ACO2: variants seen among roughly 807,000 people sequenced by gnomAD.
The protein encoded by ACO2 is aconitate hydratase, mitochondrial.
Under a neutral mutation model 84.5 loss-of-function variants are expected in ACO2, and 31 were observed. That is an observed-to-expected ratio of 0.37 (90% CI 0.28 to 0.50). The LOEUF (loss-of-function observed/expected upper bound fraction) is 0.50. Among genes scored for constraint, ACO2 ranks in the 20% least tolerant of loss-of-function variants. ACO2 has a pLI of 0.97. For missense variants in ACO2, 685 were observed against 1,029.3 expected (o/e 0.67, Z 4.58); for synonymous variants, 414 against 412.7 (o/e 1.00, Z -0.04).
At chr22:41,484,682 A>G (rs547695322) in intron 1 of ACO2, among the ~76,000 whole-genome samples, 1 of 151,984 alleles carries the variant, frequency 6.6e-6, no homozygotes, top group Non-Finnish European at 1.5e-5. Context: ...ACATAATTAC[A>G]TACTTGCTAT....
Position 41,526,262 on chromosome 22 carries a change from G to T in ACO2, c.1762G>T (p.Val588Phe). Reference protein sequence around the residue: ...DLEDLQILIKVKGKCTTDHIS... With the variant: ...DLEDLQILIKFKGKCTTDHIS... Reference sequence around the variant, plus strand: ...CTGTCCTCTCTACTTACCACCCAAGGTCAAAGGGAAGTGTACCACTGACCA... The same window carrying T: ...CTGTCCTCTCTACTTACCACCCAAGTTCAAAGGGAAGTGTACCACTGACCA... Residue 588 changes from valine to phenylalanine, a missense_variant and splice_region_variant, in exon 15 of 18, where the codon GTC becomes TTC. Val to Phe is a conservative substitution (Grantham distance 50). Around this residue, in one of 5 missense-constraint regions of ACO2, gnomAD observed 10 missense variants for 39.7 expected, o/e 0.25. Transcript: ENST00000216254. 6.2e-7 allele frequency: 1 copy of T among 1,611,468 alleles called. No homozygotes were observed. Among genetic ancestry groups the T allele is most frequent in the South Asian group, 1.1e-5 (1 of 90,912 alleles).
intron 4 of ACO2, among the ~76,000 whole-genome samples, chr22:41,514,554 G>A (rs1264457130): frequency 6.6e-6 from 1 of 152,216 alleles, no homozygotes; most frequent in Non-Finnish European, 1.5e-5. Context: ...CCTGGCTCAG[G>A]GCTTGCCAAG....
At chr22:41,527,148 G>C (rs2066616966) in intron 15 of ACO2, 140 bp from the exon 16 acceptor site, 3 of 1,301,140 alleles carry the variant, frequency 2.3e-6, no homozygotes, top group Non-Finnish European at 3.2e-6. Flanking sequence ...GGCAGCAGGC[G>C]AGGAAGGGCC....
At chr22:41,520,523 T>C (rs1199560097) in intron 9 of ACO2, among the ~76,000 whole-genome samples, 1 of 151,206 alleles carries the variant, frequency 6.6e-6, no homozygotes, top group East Asian at 2.0e-4. Context: ...CTGGGCAACA[T>C]GGAAAAACCC....
In ACO2 at chr22:41,484,871, C is replaced by CT. The variant is rs1231320140; in HGVS notation, c.37-14835dup. On this transcript the variant is annotated intron_variant, in intron 1 of 17. Coordinates refer to ENST00000216254, the MANE Select transcript of ACO2 (RefSeq NM_001098.3). ...ACAGAGCTGGGCTTTGGAGTCAGCT[C>CT]TTTTTTTTTTTTTTTTTTTTGAGAT... Among the ~76,000 whole-genome samples, 1,182 of 118,952 alleles carry CT rather than the reference C, an allele frequency of 9.9e-3. 16 individuals carry two copies. Among genetic ancestry groups the CT allele is most frequent in the African/African-American group, 0.019 (595 of 31,674 alleles). 78.0% of individuals were successfully genotyped at this position (118,952 alleles called of 152,430 possible).
intron 6 of ACO2, 26 bp from the exon 7 acceptor site, chr22:41,517,501 A>T (rs766473354): frequency 6.2e-7 from 1 of 1,605,510 alleles, no homozygotes; most frequent in East Asian, 2.2e-5. Context: ...CCACCAGCCA[A>T]TGCCCGGGGC....
At chr22:41,472,352 C>CAAAA (rs1304914957) in intron 1 of ACO2, among the ~76,000 whole-genome samples, 1 of 74,172 alleles carries the variant, frequency 1.3e-5, no homozygotes, top group Non-Finnish European at 2.8e-5. Context: ...GACTCCGTCT[C>CAAAA]AAAAAAAAAA....
chr22:41,517,437 C>G, intron 6 of ACO2, 90 bp from the exon 7 acceptor site: 1 of 998,720 alleles, frequency 1.0e-6, no homozygotes, highest in South Asian at 1.3e-5. Flanking sequence ...AATGCAGCTC[C>G]CTGGTGTGAA....
At chr22:41,500,296 A>AT (rs2066344567) in intron 2 of ACO2, among the ~76,000 whole-genome samples, 4 of 149,402 alleles carry the variant, frequency 2.7e-5, no homozygotes, top group African/African-American at 4.9e-5. Context: ...GACCTTTTTA[A>AT]TTTAATTTTA....
At chr22:41,490,719 C>T (rs1015651200) in intron 1 of ACO2, among the ~76,000 whole-genome samples, 49 of 152,140 alleles carry the variant, frequency 3.2e-4, no homozygotes, top group African/African-American at 1.2e-3. Context: ...GCATCTAAGA[C>T]TGATAAAGTA....
intron 1 of ACO2, among the ~76,000 whole-genome samples, chr22:41,489,941 A>G (rs17002483): frequency 0.06 from 9,171 of 152,076 alleles, 883 homozygotes; most frequent in African/African-American, 0.2. Flanking sequence ...GCTATTCTAT[A>G]TTTTAAGGAG....
At chr22:41,516,070 A>C (rs1286966848) in intron 6 of ACO2, 153 bp downstream of exon 6, 1 of 943,424 alleles carries the variant, frequency 1.1e-6, no homozygotes, top group Non-Finnish European at 1.7e-6. Context: ...AAAATTGGAG[A>C]CAGCATTAGA....
intron 1 of ACO2, among the ~76,000 whole-genome samples, chr22:41,473,681 G>A (rs1160056361): frequency 6.6e-6 from 1 of 152,164 alleles, no homozygotes; most frequent in Non-Finnish European, 1.5e-5. Flanking sequence ...GAGAGAATAG[G>A]GGTGGGAACA....
At chr22:41,517,802 T>C (rs1601919787) in intron 7 of ACO2, among the ~76,000 whole-genome samples, 171 bp downstream of exon 7, 1 of 152,292 alleles carries the variant, frequency 6.6e-6, no homozygotes, top group Middle Eastern at 3.4e-3. Flanking sequence ...TCTGAGTAGA[T>C]TGTCTGGAGC....
intron 4 of ACO2, chr22:41,512,291 G>A: frequency 4.0e-6 from 1 of 251,954 alleles, no homozygotes; most frequent in Non-Finnish European, 7.6e-6. Flanking sequence ...TACAGAACAT[G>A]GTATTATTTT....
chr22:41,518,804 G>A (rs958424917), intron 8 of ACO2, among the ~76,000 whole-genome samples: 18 of 152,082 alleles, frequency 1.2e-4, no homozygotes, highest in African/African-American at 2.9e-4. Context: ...AAATTAGCTC[G>A]GCATAGTGCC....
chr22:41,499,874 G>A lies in ACO2; in HGVS notation c.173+12G>A. 2 of 1,613,518 alleles carry A rather than the reference G, an allele frequency of 1.2e-6. No homozygotes were observed. The highest frequency in any genetic ancestry group is 1.7e-6 in the Non-Finnish European group (2 of 1,179,634). ...ATTGTTCGCAAACGGTAAGGCTGCA[G>A]ATGGGAGGCTGTGACTGTCAAGGGC... is the stretch of plus-strand genomic sequence containing the variant. On this transcript the variant is annotated intron_variant, in intron 2 of 17. Transcript: ENST00000216254.
At position 41,528,902 on chromosome 22, in the gene ACO2, G is replaced by C. The variant is rs576796140; in HGVS notation, c.*289G>C. ...CCCATCTAAAGTTTTTCTCCTGCCT[G>C]ATCATTTCATTGGTGGCTGAAGGAT... On this transcript the variant is annotated 3_prime_UTR_variant, in exon 18 of 18. Coordinates refer to ENST00000216254, the MANE Select transcript of ACO2 (RefSeq NM_001098.3). 3 of 521,064 alleles carry C rather than the reference G, an allele frequency of 5.8e-6. No homozygotes were observed. The highest frequency in any genetic ancestry group is 6.7e-5 in the East Asian group (2 of 29,954). 32.3% of individuals were successfully genotyped at this position (521,064 alleles called of 1,614,324 possible). A position where few individuals can be genotyped will look rare whatever the true frequency, so the allele number is the denominator to read the frequency against.
intron 1 of ACO2, among the ~76,000 whole-genome samples, chr22:41,488,051 T>C (rs1431762400): frequency 6.6e-6 from 1 of 152,220 alleles, no homozygotes; most frequent in East Asian, 1.9e-4. Context: ...TCTTGCCTAC[T>C]TTTGCGCTTG....
Sources: gnomAD v4.1 joint callset for allele counts (sites outside exome capture counted in the v4.1 genomes callset) on GRCh38, gnomAD v4.1.1 for gene constraint, gnomAD v4.1.1 regional missense constraint, MANE v1.5 for transcripts, NCBI Gene and HGNC (gene_info 2026-07-23, HGNC 2026-07-21) for gene names.